Variants in ISX observed in about 807,000 individuals in gnomAD.
The protein encoded by ISX is intestine-specific homeobox.
ISX carries 15 observed loss-of-function variants against 16.9 expected under a neutral mutation model. The observed-to-expected ratio is 0.89, with a 90% confidence interval of 0.59 to 1.36. ISX has a LOEUF of 1.36. ISX is among the 40% of genes most tolerant of loss of function. ISX has a pLI of 0.00. For missense variants in ISX, 316 were observed against 306.1 expected (o/e 1.03, Z -0.24); for synonymous variants, 125 against 119.7 (o/e 1.04, Z -0.29).
At chr22:35,082,729 C>T in intron 3 of ISX, 60 bp downstream of exon 3, 3 of 1,576,236 alleles carry the variant, frequency 1.9e-6, no homozygotes, top group Non-Finnish European at 1.7e-6. Flanking sequence ...GTGTGAGACA[C>T]AATATATCCA....
intron 2 of ISX, among the ~76,000 whole-genome samples, chr22:35,074,149 C>T (rs1040860106): frequency 1.3e-5 from 2 of 152,202 alleles, no homozygotes; most frequent in African/African-American, 4.8e-5. Flanking sequence ...AATTGGCATT[C>T]TCCTAATAGT....
chr22:35,069,401 G>A lies in ISX; in HGVS notation c.229+2085G>A, dbSNP rs117689027. On this transcript the variant is annotated intron_variant, in intron 2 of 4. Transcript: ENST00000404699. ...AAGCCCAGATCTGGCCCCAGTGCAC[G>A]GGAGGACCTCAAGCCAGTCACTTCC... 3.7e-3 allele frequency among the ~76,000 whole-genome samples: 570 copies of A among 152,284 alleles called. 1 individual carries two copies. The highest frequency in any genetic ancestry group is 5.9e-3 in the Non-Finnish European group (403 of 68,014).
intron 2 of ISX, among the ~76,000 whole-genome samples, chr22:35,078,737 A>T (rs1411789558): frequency 6.6e-6 from 1 of 152,254 alleles, no homozygotes; most frequent in Non-Finnish European, 1.5e-5. Context: ...GCAAACTTGA[A>T]ATCCCATTTC....
chr22:35,080,437 A>AAAAC (rs1555913574), intron 2 of ISX, among the ~76,000 whole-genome samples: 1 of 150,846 alleles, frequency 6.6e-6, no homozygotes, highest in Non-Finnish European at 1.5e-5. Context: ...CAAACACATG[A>AAAAC]ACACACACAC....
chr22:35,067,159 G>C lies in ISX; in HGVS notation c.72G>C (p.Pro24=), dbSNP rs147323979. The C allele has an allele frequency of 2.5e-6, 4 of 1,613,600 alleles. No homozygotes were observed. The highest frequency in any genetic ancestry group is 1.7e-5 in the Admixed American group (1 of 60,012). Residue 24 remains proline, a synonymous_variant, in exon 2 of 5, where the codon CCG becomes CCC. Coordinates refer to ENST00000404699, the MANE Select transcript of ISX (RefSeq NM_001303508.2). ...ATAGCTTGGGGTGCTGTGAGGCCCC[G>C]AAGAAGCTGAGCCTGTCCTTCTCCA... The part of the protein sequence containing the change: ...ERNSLGCCEA[P]KKLSLSFSIE...
intron 2 of ISX, among the ~76,000 whole-genome samples, chr22:35,069,018 C>G (rs1220375980): frequency 2.0e-5 from 3 of 152,124 alleles, no homozygotes; most frequent in East Asian, 3.9e-4. Context: ...TGCTGGAATT[C>G]GGCATTTCTG....
chr22:35,084,491 G>A lies in ISX; in HGVS notation c.490G>A (p.Asp164Asn), dbSNP rs1362969282. ...EASVALPTNLDVAGPTWTSTA... is the reference protein window; with the variant it reads ...EASVALPTNLNVAGPTWTSTA... ...CAGTGTGGCCCTGCCCACAAATCTG[G>A]ATGTGGCTGTAAGTGGCTGAGGCCT... is the stretch of plus-strand genomic sequence containing the variant. The change falls in exon 4 of 5, where the codon GAT (aspartate) becomes AAT (asparagine). Residue 164 changes from aspartate (D) to asparagine (N), a missense_variant. Coordinates refer to ENST00000404699, the MANE Select transcript of ISX (RefSeq NM_001303508.2). 2 of 1,610,166 alleles carry A rather than the reference G, an allele frequency of 1.2e-6. No homozygotes were observed. Among genetic ancestry groups the A allele is most frequent in the South Asian group, 1.1e-5 (1 of 90,588 alleles).
At chr22:35,072,786 T>C (rs1928889180) in intron 2 of ISX, among the ~76,000 whole-genome samples, 1 of 152,248 alleles carries the variant, frequency 6.6e-6, no homozygotes, top group Non-Finnish European at 1.5e-5. Context: ...ACTTAGTGGC[T>C]TAAAATAATA....
At chr22:35,071,637 C>G (rs1166225395) in intron 2 of ISX, among the ~76,000 whole-genome samples, 7 of 152,166 alleles carry the variant, frequency 4.6e-5, no homozygotes, top group African/African-American at 1.7e-4. Context: ...TTAATTATAT[C>G]TACAAAGACT....
At position 35,085,900 on chromosome 22, in the gene ISX, T is replaced by G. The variant is rs1929244171; in HGVS notation, c.*207T>G. On this transcript the variant is annotated 3_prime_UTR_variant, in exon 5 of 5. Transcript: ENST00000404699. ...AAGGACAGCTCTCTTCTCTCCTGGC[T>G]AAAGCTGCTCTCCTGGTTCAGAAGA... 3.3e-6 allele frequency: 2 copies of G among 612,930 alleles called. No individual in the cohort carries two copies. The highest frequency in any genetic ancestry group is 2.0e-5 in the South Asian group (1 of 50,584). The allele number at this position is 612,930 out of a possible 1,614,324, so 38.0% of individuals were successfully genotyped here. A position where few individuals can be genotyped will look rare whatever the true frequency, so the allele number is the denominator to read the frequency against.
Position 35,079,980 on chromosome 22 carries a change from A to G in ISX, c.230-2538A>G, listed in dbSNP as rs142709927. ...GCTGGTTGAGTCTCCCATTCTGCCA[A>G]TGGGGCAATCTTCCTTACTCTCCAT... On this transcript the variant is annotated intron_variant, in intron 2 of 4. Transcript: ENST00000404699. Among the ~76,000 whole-genome samples the G allele has an allele frequency of 7.1e-3, 1,083 of 152,284 alleles. 14 individuals carry two copies. The highest frequency in any genetic ancestry group is 0.025 in the African/African-American group (1,032 of 41,560).
chr22:35,076,099 TAAA>T (rs10531455), intron 2 of ISX, among the ~76,000 whole-genome samples: 42 of 148,044 alleles, frequency 2.8e-4, no homozygotes, highest in African/African-American at 3.2e-4. Flanking sequence ...ACTCTTAAAT[TAAA>T]AAAAAAAAAA....
At chr22:35,067,366 G>A in intron 2 of ISX, 50 bp downstream of exon 2, 1 of 1,332,480 alleles carries the variant, frequency 7.5e-7, no homozygotes, top group East Asian at 2.5e-5. Flanking sequence ...CCAAGACCCA[G>A]CTGGGCTCAG....
intron 2 of ISX, among the ~76,000 whole-genome samples, chr22:35,081,237 A>G (rs1010432608): frequency 2.0e-5 from 3 of 152,230 alleles, no homozygotes; most frequent in African/African-American, 7.2e-5. Context: ...TGTCTTAGAA[A>G]AAACAAAGTG....
At position 35,067,301 on chromosome 22, in the gene ISX, A is replaced by T. The variant is rs1054502576; in HGVS notation, c.214A>T (p.Lys72Ter). The T allele has an allele frequency of 6.4e-7, 1 of 1,573,296 alleles. No individual in the cohort carries two copies. The highest frequency in any genetic ancestry group is 1.9e-5 in the Admixed American group (1 of 53,846). ...AGGCTCTGGGCTAGAAAAGCCTCCA[A>T]AGGACCAGCCCCAGGGTAAGTGTCT... Reference protein sequence around the residue: ...ASGSGLEKPPKDQPQEGRKSK... With the variant: ...ASGSGLEKPP The change falls in exon 2 of 5, where the codon AAG becomes TAG. Residue 72 changes from lysine to a stop codon, truncating the protein, a stop_gained. Transcript: ENST00000404699. LOFTEE classifies it high-confidence loss of function.
chr22:35,070,568 G>T (rs766971842), intron 2 of ISX, among the ~76,000 whole-genome samples: 1 of 152,214 alleles, frequency 6.6e-6, no homozygotes, highest in African/African-American at 2.4e-5. Context: ...TGGCCTGTGG[G>T]GAACCCAGGT....
Position 35,083,601 on chromosome 22 carries a change from G to A in ISX, c.382-782G>A, listed in dbSNP as rs531730066. ...CACCGTTAGCATTCTCTCTAAAATAGTTCTCTAAGTTGCTCTCCTTTTTTT... is the reference window on the plus strand; with the variant it reads ...CACCGTTAGCATTCTCTCTAAAATAATTCTCTAAGTTGCTCTCCTTTTTTT... On this transcript the variant is annotated intron_variant, in intron 3 of 4. Transcript: ENST00000404699. Among the ~76,000 whole-genome samples, 6 of 152,322 alleles carry A rather than the reference G, an allele frequency of 3.9e-5. No homozygotes were observed. The South Asian group carries it at 1.2e-3, about 32-fold the overall frequency.
intron 2 of ISX, among the ~76,000 whole-genome samples, chr22:35,067,909 G>A (rs1928745792): frequency 6.6e-6 from 1 of 152,208 alleles, no homozygotes; most frequent in African/African-American, 2.4e-5. Context: ...CCCCAAGCCA[G>A]TGGCCACCCC....
intron 2 of ISX, among the ~76,000 whole-genome samples, chr22:35,076,484 G>C (rs1217424619): frequency 6.6e-6 from 1 of 152,166 alleles, no homozygotes; most frequent in African/African-American, 2.4e-5. Flanking sequence ...TGGGCCATGG[G>C]GAGACTCCTG....
Sources: allele counts gnomAD v4.1 joint callset (sites outside exome capture counted in the v4.1 genomes callset), GRCh38; gene constraint gnomAD v4.1.1; transcripts MANE v1.5; gene names NCBI Gene and HGNC (gene_info 2026-07-23, HGNC 2026-07-21).